IQGAP2: variants seen among roughly 807,000 people sequenced by gnomAD.
IQGAP2 encodes the protein ras GTPase-activating-like protein IQGAP2.
Under a neutral mutation model 201.3 loss-of-function variants are expected in IQGAP2, and 173 were observed. The observed-to-expected ratio is 0.86, with a 90% CI of 0.76 to 0.98. The LOEUF (loss-of-function observed/expected upper bound fraction) is 0.98, where lower values mean the gene tolerates loss of function less well. Among genes scored for constraint, IQGAP2 ranks in the 50% least tolerant of loss-of-function variants. The pLI, the probability that IQGAP2 is intolerant of heterozygous loss-of-function variation, is 0.00. For missense variants in IQGAP2, 1,687 were observed against 1,864.8 expected (o/e 0.90, Z 1.76); for synonymous variants, 675 against 673.9 (o/e 1.00, Z -0.03).
At chr5:76,554,434 T>C (rs1046195977) in intron 2 of IQGAP2, among the ~76,000 whole-genome samples, 1 of 152,200 alleles carries the variant, frequency 6.6e-6, no homozygotes, top group African/African-American at 2.4e-5. Flanking sequence ...GAATCTTGTA[T>C]ACTGAATATG....
rs1750648238 is a variant in IQGAP2 at position 76,403,862 on chromosome 5, G to T, written c.46+271G>T. On this transcript the variant is annotated intron_variant, in intron 1 of 35. Transcript: ENST00000274364. The surrounding 1 kb of genome is among the most constrained non-coding windows in gnomAD (Gnocchi z 4.8). ...GGGGTGCGCGGGCAGTGCGGGGATTGCGCTCTGGGACAGACCAGGTTGGGA... is the reference window on the plus strand; with the variant it reads ...GGGGTGCGCGGGCAGTGCGGGGATTTCGCTCTGGGACAGACCAGGTTGGGA... 6.6e-6 allele frequency among the ~76,000 whole-genome samples: 1 copy of T among 152,190 alleles called. No individual in the cohort carries two copies. The highest frequency in any genetic ancestry group is 2.1e-4 in the South Asian group (1 of 4,832).
chr5:76,684,074 T>C (rs1188810080), intron 30 of IQGAP2, among the ~76,000 whole-genome samples, 157 bp downstream of exon 30: 4 of 152,224 alleles, frequency 2.6e-5, no homozygotes, highest in African/African-American at 9.6e-5. Flanking sequence ...GATAATAGAC[T>C]CTTTAGAATT....
chr5:76,658,145 T>C (rs1219825962), intron 20 of IQGAP2, among the ~76,000 whole-genome samples: 1 of 152,174 alleles, frequency 6.6e-6, no homozygotes, highest in Non-Finnish European at 1.5e-5. Flanking sequence ...TCCTGAGGAA[T>C]GAGGCACAGA....
intron 2 of IQGAP2, among the ~76,000 whole-genome samples, chr5:76,496,760 T>TCTTTCTTTCTTTCTTTCTTTC (rs1580322188): frequency 3.4e-5 from 3 of 89,410 alleles, no homozygotes; most frequent in East Asian, 4.9e-4. Flanking sequence ...TTTCTTTCTT[T>TCTTTCTTTCTTTCTTTCTTTC]CTTTCTTTCT....
chr5:76,409,702 A>G (rs1389717562), intron 1 of IQGAP2, among the ~76,000 whole-genome samples: 1 of 152,242 alleles, frequency 6.6e-6, no homozygotes, highest in Non-Finnish European at 1.5e-5. Flanking sequence ...GATAATTTGT[A>G]AAACATGCTT....
chr5:76,702,466 G>T lies in IQGAP2; in HGVS notation c.4506-16G>T. 3.4e-6 allele frequency: 4 copies of T among 1,191,290 alleles called. No individual in the cohort carries two copies. Among genetic ancestry groups the T allele is most frequent in the Non-Finnish European group, 5.0e-6 (4 of 797,510 alleles). 73.8% of individuals were successfully genotyped at this position (1,191,290 alleles called of 1,614,324 possible). ...TATTTGTAATTTCTCATGTATGAAT[G>T]TTCCTTTCTTCACAGGTTTAAGAAT... On this transcript the variant is annotated splice_polypyrimidine_tract_variant and intron_variant, in intron 34 of 35. Transcript: ENST00000274364.
At chr5:76,516,915 A>G (rs895640510) in intron 2 of IQGAP2, among the ~76,000 whole-genome samples, 11 of 152,236 alleles carry the variant, frequency 7.2e-5, no homozygotes, top group African/African-American at 2.7e-4. Flanking sequence ...TTAAAAATTG[A>G]TAAAGACACT....
chr5:76,569,343 CAG>C (rs1315390570), intron 3 of IQGAP2, among the ~76,000 whole-genome samples: 1 of 151,726 alleles, frequency 6.6e-6, no homozygotes, highest in Non-Finnish European at 1.5e-5. Flanking sequence ...GTGAATGCAC[CAG>C]AGTTTATTTA....
At chr5:76,570,438 G>T in intron 3 of IQGAP2, 142 bp from the exon 4 acceptor site, 1 of 649,540 alleles carries the variant, frequency 1.5e-6, no homozygotes, top group Non-Finnish European at 2.8e-6. Context: ...GCACGCCTCT[G>T]TTTGCTTTAT....
Position 76,674,528 on chromosome 5 carries a change from C to G in IQGAP2, c.3346C>G (p.Pro1116Ala). ...YRYMNPAIVA[P>A]DGFDIIDMTA... is the part of the protein sequence containing the mutation. ...GTACATGAATCCAGCCATTGTAGCT[C>G]CAGATGGCTTTGATATCATCGACAT... Residue 1116 changes from proline (P) to alanine (A), a missense_variant, in exon 27 of 36, where the codon CCA becomes GCA. Transcript: ENST00000274364. 1 of 1,613,958 alleles carries G rather than the reference C, an allele frequency of 6.2e-7. No homozygotes were observed. Among genetic ancestry groups the G allele is most frequent in the Non-Finnish European group, 8.5e-7 (1 of 1,179,898 alleles).
intron 21 of IQGAP2, among the ~76,000 whole-genome samples, chr5:76,662,802 T>C (rs973919089): frequency 2.0e-5 from 3 of 152,198 alleles, no homozygotes; most frequent in African/African-American, 2.4e-5. Flanking sequence ...ATTTTATATA[T>C]TGGTAAAACA....
chr5:76,469,371 C>A (rs141539248), intron 2 of IQGAP2, among the ~76,000 whole-genome samples: 6 of 151,678 alleles, frequency 4.0e-5, no homozygotes, highest in African/African-American at 1.5e-4. Flanking sequence ...GAAGTCTTTA[C>A]GTATAGATGT....
At chr5:76,606,333 A>G (rs1295976012) in intron 12 of IQGAP2, 30 bp downstream of exon 12, 3 of 1,538,470 alleles carry the variant, frequency 1.9e-6, no homozygotes, top group Admixed American at 4.0e-5. Context: ...CTTCTCTAGC[A>G]TAGTGGGAGA....
intron 12 of IQGAP2, chr5:76,609,013 T>A: frequency 7.6e-7 from 1 of 1,320,520 alleles, no homozygotes; most frequent in Non-Finnish European, 1.0e-6. Context: ...CTTTTATTTA[T>A]AAACAGAGGA....
At chr5:76,679,263 G>T (rs1019258091) in intron 28 of IQGAP2, among the ~76,000 whole-genome samples, 1 of 152,212 alleles carries the variant, frequency 6.6e-6, no homozygotes, top group Admixed American at 6.5e-5. Context: ...TAATTTAGAA[G>T]TCTTAGAAGT....
chr5:76,637,046 G>A lies in IQGAP2; in HGVS notation c.1793G>A (p.Gly598Asp), dbSNP rs781652383. The A allele has an allele frequency of 6.1e-5, 98 of 1,608,288 alleles. 2 individuals are homozygous for A. In the Admixed American group the frequency reaches 1.1e-3, roughly 18 times the overall value. The change falls in exon 16 of 36, where the codon GGT becomes GAT. Residue 598 changes from glycine (G) to aspartate (D), a missense_variant. Coordinates refer to ENST00000274364, the MANE Select transcript of IQGAP2 (RefSeq NM_006633.5). ...ELKSERVSSD[G>D]SWLKLNLHKK... ...CTTTTTTCTTTAGTGTCTAGTGACG[G>A]TTCATGGCTCAAACTCAACCTGCAC...
chr5:76,568,806 A>G (rs1744916482), intron 3 of IQGAP2, among the ~76,000 whole-genome samples: 1 of 152,152 alleles, frequency 6.6e-6, no homozygotes, highest in Non-Finnish European at 1.5e-5. Flanking sequence ...GGGAAGATTG[A>G]ATAGGGACTT....
At chr5:76,580,655 A>G (rs1236013547) in intron 5 of IQGAP2, among the ~76,000 whole-genome samples, 1 of 152,198 alleles carries the variant, frequency 6.6e-6, no homozygotes, top group African/African-American at 2.4e-5. Flanking sequence ...AACCAAGATT[A>G]ATATCTCTTT....
intron 2 of IQGAP2, among the ~76,000 whole-genome samples, chr5:76,522,302 C>A (rs916383889): frequency 2.6e-5 from 4 of 152,030 alleles, no homozygotes; most frequent in African/African-American, 9.7e-5. Context: ...CCTACCTCAG[C>A]CTCCTGAGTA....
Sources: allele counts gnomAD v4.1 joint callset (sites outside exome capture counted in the v4.1 genomes callset), GRCh38; gene constraint gnomAD v4.1.1; non-coding constraint Gnocchi (gnomAD v3.1); transcripts MANE v1.5; gene names NCBI Gene and HGNC (gene_info 2026-07-23, HGNC 2026-07-21).